Variants in KLF12 observed in about 807,000 individuals in gnomAD.
KLF12 encodes the protein KLF transcription factor 12.
In KLF12, 9 loss-of-function variants were observed where a neutral mutation model predicts 37.8. That is an observed-to-expected ratio of 0.24 (90% CI 0.14 to 0.42). The LOEUF is 0.42. KLF12 is among the 10% of genes least tolerant of loss of function. The pLI is 1.00. For synonymous variants in KLF12, 208 were observed against 202.1 expected (o/e 1.03, Z -0.25); for missense variants, 411 against 516.0 (o/e 0.80, Z 1.97).
intron 2 of KLF12, among the ~76,000 whole-genome samples, chr13:73,963,513 G>A (rs1054730678): frequency 6.6e-6 from 1 of 151,982 alleles, no homozygotes; most frequent in African/African-American, 2.4e-5. Flanking sequence ...GTTAAAAAAT[G>A]GTTTTAGGTT....
At chr13:73,860,060 T>C (rs1157456517) in intron 3 of KLF12, among the ~76,000 whole-genome samples, 2 of 152,100 alleles carry the variant, frequency 1.3e-5, no homozygotes, top group Non-Finnish European at 2.9e-5. Context: ...TGCAGTGTGG[T>C]TTTGTGAAAA....
chr13:73,688,169 G>T lies in KLF12; in HGVS notation c.*7321C>A, dbSNP rs1873605784. 1 of 152,572 alleles carries T rather than the reference G, an allele frequency of 6.6e-6. No individual in the cohort carries two copies. The highest frequency in any genetic ancestry group is 2.4e-5 in the African/African-American group (1 of 41,430). 9.5% of individuals were successfully genotyped at this position (152,572 alleles called of 1,614,324 possible). ...CTCTTAATGTTTTCTAAGTCCATTA[G>T]TACTTCCATGAATCAATACTGTCAG... On this transcript the variant is annotated 3_prime_UTR_variant, in exon 8 of 8. Transcript: ENST00000377669.
intron 6 of KLF12, among the ~76,000 whole-genome samples, chr13:73,733,542 A>C (rs183745893): frequency 2.8e-3 from 420 of 152,290 alleles, no homozygotes; most frequent in African/African-American, 9.0e-3. Context: ...ACACACATGC[A>C]CACTCACACA....
chr13:74,017,836 AT>A (rs377089837), intron 1 of KLF12, among the ~76,000 whole-genome samples: 48 of 152,204 alleles, frequency 3.2e-4, no homozygotes, highest in African/African-American at 1.1e-3. Context: ...CATATCAATG[AT>A]TGTCTAACCC....
intron 1 of KLF12, among the ~76,000 whole-genome samples, chr13:74,112,585 T>C (rs1877046697): frequency 6.6e-6 from 1 of 152,186 alleles, no homozygotes; most frequent in Admixed American, 6.6e-5. Flanking sequence ...TGATCTTTGA[T>C]GTTACTATTG....
intron 1 of KLF12, among the ~76,000 whole-genome samples, chr13:74,014,416 C>T (rs556905896): frequency 4.6e-5 from 7 of 152,268 alleles, no homozygotes; most frequent in Non-Finnish European, 1.0e-4. Flanking sequence ...TAAAGTTATG[C>T]TGGCTGTAGT....
chr13:73,838,698 G>A (rs74095853), intron 4 of KLF12, among the ~76,000 whole-genome samples: 2,707 of 152,244 alleles, frequency 0.018, 57 homozygotes, highest in African/African-American at 0.046. Context: ...TTGCATGAAA[G>A]AAAATGTGGG....
At chr13:73,941,260 CAA>C (rs766178623) in intron 3 of KLF12, among the ~76,000 whole-genome samples, 18 of 152,182 alleles carry the variant, frequency 1.2e-4, no homozygotes, top group Non-Finnish European at 2.1e-4. Flanking sequence ...TCATCTTTTT[CAA>C]AAGTCCATAA....
chr13:73,919,123 G>T (rs1888996627), intron 3 of KLF12, among the ~76,000 whole-genome samples: 1 of 152,160 alleles, frequency 6.6e-6, no homozygotes, highest in Admixed American at 6.6e-5. Flanking sequence ...CACATCCACA[G>T]AGGCCCCCAG....
At chr13:74,266,730 G>T in the KLF12 span, among the ~76,000 whole-genome samples, 1 of 152,186 alleles carries the variant, frequency 6.6e-6, no homozygotes, top group Non-Finnish European at 1.5e-5. Flanking sequence ...CCTGGGGCCA[G>T]CACTGGTGGA....
At chr13:73,813,086 T>C (rs1476000373) in intron 5 of KLF12, 66 bp downstream of exon 5, 1 of 1,547,156 alleles carries the variant, frequency 6.5e-7, no homozygotes, top group Non-Finnish European at 8.9e-7. Flanking sequence ...CAGGAGATGC[T>C]GCAGTTTCCA....
At chr13:74,275,866 CT>C in the KLF12 span, among the ~76,000 whole-genome samples, 767 of 90,984 alleles carry the variant, frequency 8.4e-3, 17 homozygotes, top group African/African-American at 0.032. Context: ...TTCTTTCTTT[CT>C]ATCTTTCTTT....
At chr13:73,920,769 G>A (rs945957284) in intron 3 of KLF12, among the ~76,000 whole-genome samples, 1 of 151,930 alleles carries the variant, frequency 6.6e-6, no homozygotes, top group African/African-American at 2.4e-5. Flanking sequence ...TCCTGTTGGG[G>A]TTCAGAAAAT....
At chr13:73,753,929 C>G (rs1878965254) in intron 6 of KLF12, among the ~76,000 whole-genome samples, 1 of 152,242 alleles carries the variant, frequency 6.6e-6, no homozygotes, top group East Asian at 1.9e-4. Context: ...CTTGGATCTT[C>G]TTGTATTTTT....
intron 1 of KLF12, among the ~76,000 whole-genome samples, chr13:74,111,215 G>C (rs1876956443): frequency 1.3e-5 from 2 of 151,496 alleles, no homozygotes; most frequent in South Asian, 4.2e-4. Flanking sequence ...TTAACCTTTT[G>C]CATTAGCAAA....
chr13:74,053,469 A>G (rs1267268693), intron 1 of KLF12, among the ~76,000 whole-genome samples: 1 of 152,132 alleles, frequency 6.6e-6, no homozygotes, highest in Non-Finnish European at 1.5e-5. Context: ...GCTCTTAACA[A>G]CCTAATGAGC....
chr13:74,054,986 C>A (rs1328707230), intron 1 of KLF12, among the ~76,000 whole-genome samples: 1 of 152,146 alleles, frequency 6.6e-6, no homozygotes, highest in Non-Finnish European at 1.5e-5. Flanking sequence ...TCACACACAT[C>A]AGAACATCGC....
intron 1 of KLF12, among the ~76,000 whole-genome samples, chr13:74,003,052 A>G (rs1027699633): frequency 2.6e-5 from 4 of 152,242 alleles, no homozygotes; most frequent in East Asian, 1.9e-4. Context: ...TGGAAGAACC[A>G]TAGTTATTCC....
At chr13:74,084,146 C>T (rs879925579) in intron 1 of KLF12, among the ~76,000 whole-genome samples, 1 of 152,138 alleles carries the variant, frequency 6.6e-6, no homozygotes, top group African/African-American at 2.4e-5. Flanking sequence ...TTGGATATTA[C>T]GTCTCATAAC....
Sources: allele counts gnomAD v4.1 joint callset (sites outside exome capture counted in the v4.1 genomes callset), GRCh38; gene constraint gnomAD v4.1.1; transcripts MANE v1.5; gene names NCBI Gene and HGNC (gene_info 2026-07-23, HGNC 2026-07-21).